NFX1: variants seen among roughly 807,000 people sequenced by gnomAD.
NFX1 encodes the protein nuclear transcription factor, X-box binding 1.
Under a neutral mutation model 137.2 loss-of-function variants are expected in NFX1, and 69 were observed. That is an observed-to-expected ratio of 0.50 (90% confidence interval 0.41 to 0.61). The LOEUF (loss-of-function observed/expected upper bound fraction) is 0.61, where lower values mean the gene tolerates loss of function less well. NFX1 is among the 20% of genes least tolerant of loss of function. NFX1 has a pLI of 0.00. For synonymous variants in NFX1, 495 were observed against 474.1 expected (o/e 1.04, Z -0.57); for missense variants, 1,167 against 1,391.0 (o/e 0.84, Z 2.56).
At chr9:33,307,431 A>G (rs2118278155) in intron 5 of NFX1, 132 bp downstream of exon 5, 2 of 714,316 alleles carry the variant, frequency 2.8e-6, no homozygotes, top group South Asian at 3.5e-5. Flanking sequence ...AATGGTCTCA[A>G]ATCACCCTGT....
chr9:33,320,417 T>C (rs1822342923), intron 9 of NFX1, among the ~76,000 whole-genome samples: 1 of 152,234 alleles, frequency 6.6e-6, no homozygotes, highest in South Asian at 2.1e-4. Flanking sequence ...CCTGCTGAGG[T>C]TTCTCAGACT....
At chr9:33,363,519 A>G (rs1824077255) in intron 19 of NFX1, among the ~76,000 whole-genome samples, 1 of 151,922 alleles carries the variant, frequency 6.6e-6, no homozygotes, top group Non-Finnish European at 1.5e-5. Context: ...CCTGGCCTCA[A>G]GTGATCCATC....
intron 19 of NFX1, among the ~76,000 whole-genome samples, chr9:33,361,327 A>G (rs1823979272): frequency 6.6e-6 from 1 of 152,176 alleles, no homozygotes; most frequent in Admixed American, 6.5e-5. Flanking sequence ...TTTTTATTAA[A>G]TAAAAATGGT....
At chr9:33,350,886 C>T (rs1823611362) in intron 15 of NFX1, among the ~76,000 whole-genome samples, 1 of 152,214 alleles carries the variant, frequency 6.6e-6, no homozygotes, top group Non-Finnish European at 1.5e-5. Flanking sequence ...TGGTTCATGC[C>T]TGTAATCCCA....
At chr9:33,343,548 A>G (rs779802656) in intron 13 of NFX1, among the ~76,000 whole-genome samples, 13 of 152,206 alleles carry the variant, frequency 8.5e-5, no homozygotes, top group Non-Finnish European at 1.2e-4. Flanking sequence ...TCAAATAATT[A>G]TTGATATTCT....
At chr9:33,355,132 T>C (rs1823768072) in intron 19 of NFX1, among the ~76,000 whole-genome samples, 1 of 152,194 alleles carries the variant, frequency 6.6e-6, no homozygotes, top group Non-Finnish European at 1.5e-5. Flanking sequence ...AAACATCACA[T>C]AACACAGCAT....
chr9:33,355,975 T>G (rs1182774820), intron 19 of NFX1, among the ~76,000 whole-genome samples: 1 of 152,170 alleles, frequency 6.6e-6, no homozygotes, highest in Admixed American at 6.5e-5. Flanking sequence ...TTGCTCTATA[T>G]TTCTGTACAT....
Position 33,347,069 on chromosome 9 carries a change from TC to T in NFX1, c.2381del (p.Pro794LeufsTer5). On this transcript the variant is annotated frameshift_variant, in exon 15 of 24. Coordinates refer to ENST00000379540, the MANE Select transcript of NFX1 (RefSeq NM_002504.6). LOFTEE classifies it high-confidence loss of function. ...ATTCTTGTCATAGTGAGGAGAAGTG[TC>T]CCCCTTGCACTTTCCTAACTCAGAA... is the stretch of plus-strand genomic sequence containing the variant. Reference protein sequence around the residue: ...YHSCHSEEKCPPCTFLTQKWC... With the variant: ...YHSCHSEEKCXPCTFLTQKWC... The T allele has an allele frequency of 1.2e-6, 2 of 1,613,564 alleles. No individual in the cohort carries two copies. Among genetic ancestry groups the T allele is most frequent in the Non-Finnish European group, 1.7e-6 (2 of 1,179,562 alleles).
At chr9:33,349,966 A>C (rs10121445) in intron 15 of NFX1, among the ~76,000 whole-genome samples, 8,857 of 151,988 alleles carry the variant, frequency 0.058, 790 homozygotes, top group African/African-American at 0.19. Flanking sequence ...ACGATTGTGC[A>C]ACTGCCCTCC....
At chr9:33,351,478 T>C in intron 15 of NFX1, 82 bp from the exon 16 acceptor site, 3 of 1,350,466 alleles carry the variant, frequency 2.2e-6, no homozygotes, top group Non-Finnish European at 3.1e-6. Context: ...TGCCATAAGC[T>C]TAGAAATGTT....
At chr9:33,307,943 A>G (rs953354178) in intron 5 of NFX1, among the ~76,000 whole-genome samples, 1 of 151,700 alleles carries the variant, frequency 6.6e-6, no homozygotes, top group Non-Finnish European at 1.5e-5. Context: ...AGCTGGGACT[A>G]CAGGCGTGTG....
chr9:33,297,870 C>T (rs769038034), intron 2 of NFX1, among the ~76,000 whole-genome samples: 21 of 152,174 alleles, frequency 1.4e-4, no homozygotes, highest in Non-Finnish European at 2.5e-4. Context: ...AAGTCAGGCC[C>T]ACCCATACTC....
At chr9:33,302,967 CT>C (rs35723578) in intron 3 of NFX1, among the ~76,000 whole-genome samples, 10,068 of 119,242 alleles carry the variant, frequency 0.084, 343 homozygotes, top group African/African-American at 0.11. Context: ...CACACCTGGC[CT>C]TTTTTTTTTT....
intron 7 of NFX1, among the ~76,000 whole-genome samples, chr9:33,315,271 A>G (rs1822116529): frequency 6.6e-6 from 1 of 151,974 alleles, no homozygotes; most frequent in Non-Finnish European, 1.5e-5. Context: ...TCTTAGTGCA[A>G]TGCAATTATC....
chr9:33,337,776 T>C (rs1475188511), intron 11 of NFX1, among the ~76,000 whole-genome samples: 1 of 151,526 alleles, frequency 6.6e-6, no homozygotes, highest in African/African-American at 2.4e-5. Context: ...TGGCCGGGCA[T>C]GGTGGTTCAC....
intron 7 of NFX1, among the ~76,000 whole-genome samples, chr9:33,317,664 A>C (rs1025905611): frequency 7.3e-6 from 1 of 136,678 alleles, no homozygotes; most frequent in Admixed American, 7.2e-5. Flanking sequence ...TCCTGTCTTT[A>C]AAAAAAAAAA....
At chr9:33,332,613 A>T in intron 11 of NFX1, 111 bp downstream of exon 11, 1 of 717,770 alleles carries the variant, frequency 1.4e-6, no homozygotes, top group Non-Finnish European at 2.3e-6. Context: ...AGGCATACTT[A>T]AGATTTGTGG....
chr9:33,300,243 T>C (rs921905528), intron 2 of NFX1, among the ~76,000 whole-genome samples: 2 of 151,758 alleles, frequency 1.3e-5, no homozygotes, highest in Non-Finnish European at 2.9e-5. Flanking sequence ...TTTTGTATTC[T>C]TAGTAGAGAT....
chr9:33,303,391 A>G lies in NFX1; in HGVS notation c.1270+123A>G, dbSNP rs1200340935. The G allele has an allele frequency of 7.5e-5, 57 of 765,000 alleles. No homozygotes were observed. In the East Asian group the frequency reaches 1.3e-3, roughly 17 times the overall value. 47.4% of individuals were successfully genotyped at this position (765,000 alleles called of 1,614,324 possible). A position where few individuals can be genotyped will look rare whatever the true frequency, so the allele number is the denominator to read the frequency against. On this transcript the variant is annotated intron_variant, in intron 4 of 23. Coordinates refer to ENST00000379540, the MANE Select transcript of NFX1 (RefSeq NM_002504.6). ...TGAGACTTCAAAGCTCTAGGAGTCTATAAGACTGTAATTATGTGGTCCATC... is the reference window on the plus strand; with the variant it reads ...TGAGACTTCAAAGCTCTAGGAGTCTGTAAGACTGTAATTATGTGGTCCATC...
Sources: gnomAD v4.1 joint callset for allele counts (sites outside exome capture counted in the v4.1 genomes callset) on GRCh38, gnomAD v4.1.1 for gene constraint, MANE v1.5 for transcripts, NCBI Gene and HGNC (gene_info 2026-07-23, HGNC 2026-07-21) for gene names.